RPTOR: variants seen among roughly 807,000 people sequenced by gnomAD.
RPTOR encodes regulatory associated protein of MTOR complex 1.
A neutral mutation model predicts 169.9 loss-of-function variants in RPTOR; 21 were observed. The observed-to-expected ratio is 0.12, with a 90% confidence interval of 0.09 to 0.18. RPTOR has a LOEUF of 0.18. Among genes scored for constraint, RPTOR ranks in the 10% least tolerant of loss-of-function variants. RPTOR has a pLI of 1.00. For missense variants in RPTOR, 1,133 were observed against 1,855.9 expected, an observed-to-expected ratio of 0.61 and a Z score of 7.16; for synonymous variants, 732 against 753.2, an observed-to-expected ratio of 0.97 and a Z score of 0.46.
intron 1 of RPTOR, among the ~76,000 whole-genome samples, chr17:80,598,566 C>T (rs1397263077): frequency 6.6e-6 from 1 of 152,218 alleles, no homozygotes; most frequent in Non-Finnish European, 1.5e-5. Flanking sequence ...TTCGCATTTG[C>T]AGATGCCCAA....
At chr17:80,643,921 GTGTGGCATGGCGCCT>G (rs2065572511) in intron 3 of RPTOR, 111 bp downstream of exon 3, 1 of 816,336 alleles carries the variant, frequency 1.2e-6, no homozygotes, top group African/African-American at 1.7e-5. Flanking sequence ...CCCTGCCCTT[GTGTGGCATGGCGCCT>G]GCGCACTGCG....
At chr17:80,767,253 C>T (rs2066797111) in intron 6 of RPTOR, among the ~76,000 whole-genome samples, 2 of 152,118 alleles carry the variant, frequency 1.3e-5, no homozygotes. Context: ...CGCTTGTAGT[C>T]CCAGCTACTT....
In RPTOR at chr17:80,721,656, C is replaced by T. The variant is rs181312635; in HGVS notation, c.508-8904C>T. Among the ~76,000 whole-genome samples the T allele has an allele frequency of 1.4e-4, 21 of 151,384 alleles. 1 individual carries two copies. Among genetic ancestry groups the T allele is most frequent in the African/African-American group, 3.9e-4 (16 of 40,726 alleles). On this transcript the variant is annotated intron_variant, in intron 4 of 33. Transcript: ENST00000306801. This position sits in a 1 kb window ranked among gnomAD's most constrained non-coding sequence, Gnocchi z 4.7. Reference sequence around the variant, plus strand: ...ATGCTGGAAGCTTCCTCAGGGTACTCGGGCTTATTTTGGTAGTCATACACA... The same window carrying T: ...ATGCTGGAAGCTTCCTCAGGGTACTTGGGCTTATTTTGGTAGTCATACACA...
At chr17:80,706,962 C>T (rs1449507607) in intron 3 of RPTOR, among the ~76,000 whole-genome samples, 1 of 152,198 alleles carries the variant, frequency 6.6e-6, no homozygotes. Context: ...CCTATGCATT[C>T]AGTCTGCTCT....
intron 6 of RPTOR, among the ~76,000 whole-genome samples, chr17:80,760,565 G>A (rs1040773781): frequency 6.6e-6 from 1 of 152,120 alleles, no homozygotes; most frequent in Non-Finnish European, 1.5e-5. Flanking sequence ...GCCTTCCAAA[G>A]TGCTGAGATT....
At chr17:80,669,691 C>T (rs1159250383) in intron 3 of RPTOR, among the ~76,000 whole-genome samples, 1 of 152,226 alleles carries the variant, frequency 6.6e-6, no homozygotes, top group Non-Finnish European at 1.5e-5. Flanking sequence ...CCCAGTAGTT[C>T]ACTCTTAAAA....
intron 1 of RPTOR, among the ~76,000 whole-genome samples, chr17:80,560,579 G>T (rs888921164): frequency 9.2e-5 from 14 of 152,150 alleles, no homozygotes; most frequent in Non-Finnish European, 1.6e-4. Flanking sequence ...ATGGAAGGGA[G>T]TGGGGTGGAA....
rs917573658 is a variant in RPTOR, at chr17:80,651,261, C to T, written c.348+7451C>T. Among the ~76,000 whole-genome samples, 6 of 152,168 alleles carry T rather than the reference C, an allele frequency of 3.9e-5. No individual in the cohort carries two copies. The highest frequency in any genetic ancestry group is 1.3e-4 in the Admixed American group (2 of 15,304). ...AATGGAAAGCTAAATTTGGAGGTGA[C>T]GATGAGGAACCCACCGTATGCTCGC... On this transcript the variant is annotated intron_variant, in intron 3 of 33. Coordinates refer to ENST00000306801, the MANE Select transcript of RPTOR (RefSeq NM_020761.3). This position sits in a 1 kb window ranked among gnomAD's most constrained non-coding sequence, Gnocchi z 4.1.
intron 1 of RPTOR, among the ~76,000 whole-genome samples, chr17:80,582,026 C>T (rs1020522927): frequency 2.6e-5 from 4 of 152,172 alleles, no homozygotes; most frequent in African/African-American, 9.7e-5. Flanking sequence ...CTGCCCTGGG[C>T]ACTAGAGAGG....
chr17:80,896,141 T>G (rs1010630651), intron 20 of RPTOR, among the ~76,000 whole-genome samples: 16 of 152,152 alleles, frequency 1.1e-4, no homozygotes, highest in Admixed American at 5.9e-4. Context: ...TTTTTTGTGT[T>G]CATGTCTTAA....
chr17:80,784,839 C>T (rs1197128793), intron 6 of RPTOR, among the ~76,000 whole-genome samples: 4 of 152,024 alleles, frequency 2.6e-5, no homozygotes, highest in African/African-American at 9.7e-5. Flanking sequence ...GCTGGGATTA[C>T]AGGTGTCCGC....
At chr17:80,686,197 T>C (rs1195031577) in intron 3 of RPTOR, among the ~76,000 whole-genome samples, 2 of 151,144 alleles carry the variant, frequency 1.3e-5, no homozygotes, top group Non-Finnish European at 2.9e-5. Flanking sequence ...CTTTTTTTTT[T>C]TTTTTTTGAG....
intron 6 of RPTOR, among the ~76,000 whole-genome samples, chr17:80,771,242 C>T (rs772607093): frequency 2.0e-5 from 3 of 152,188 alleles, no homozygotes; most frequent in South Asian, 2.1e-4. Flanking sequence ...CTCCTCTTGA[C>T]GTACTTCTGC....
In RPTOR at chr17:80,846,502, C is replaced by T; in HGVS notation, c.1242C>T (p.Thr414=). 6.8e-6 allele frequency: 11 copies of T among 1,614,192 alleles called. No homozygotes were observed. The highest frequency in any genetic ancestry group is 1.1e-5 in the South Asian group (1 of 91,086). Reference sequence around the variant, plus strand: ...GCCCGTTCTTCGCCGAGCAGCTGACCGCATTCCAGGTGTGGCTCACCATGG... The same window carrying T: ...GCCCGTTCTTCGCCGAGCAGCTGACTGCATTCCAGGTGTGGCTCACCATGG... ...RHSPFFAEQL[T]AFQVWLTMGV... is the part of the protein sequence containing the mutation. Residue 414 remains threonine (T), a synonymous_variant, in exon 11 of 34, where the codon ACC becomes ACT. Coordinates refer to ENST00000306801, the MANE Select transcript of RPTOR (RefSeq NM_020761.3).
At chr17:80,579,355 G>A (rs1344675364) in intron 1 of RPTOR, among the ~76,000 whole-genome samples, 1 of 152,116 alleles carries the variant, frequency 6.6e-6, no homozygotes, top group Non-Finnish European at 1.5e-5. Flanking sequence ...CACCACTCTG[G>A]CTAATTTTGT....
In RPTOR at chr17:80,949,515, A is replaced by G. The variant is rs2069146508; in HGVS notation, c.3338A>G (p.Gln1113Arg). The G allele has an allele frequency of 6.2e-7, 1 of 1,614,086 alleles. No individual in the cohort carries two copies. Among genetic ancestry groups the G allele is most frequent in the South Asian group, 1.1e-5 (1 of 91,088 alleles). ...EKNPEMVTAW[Q>R]GLSDMLPTTR... Reference sequence around the variant, plus strand: ...AACCCAGAGATGGTGACCGCGTGGCAGGGGCTCTCGGACATGCTGCCAACG... The same window carrying G: ...AACCCAGAGATGGTGACCGCGTGGCGGGGGCTCTCGGACATGCTGCCAACG... The change falls in exon 28 of 34, where the codon CAG becomes CGG. Residue 1113 changes from glutamine (Q) to arginine (R), a missense_variant. Coordinates refer to ENST00000306801, the MANE Select transcript of RPTOR (RefSeq NM_020761.3).
intron 7 of RPTOR, among the ~76,000 whole-genome samples, chr17:80,797,577 C>G (rs2067113563): frequency 6.6e-6 from 1 of 152,184 alleles, no homozygotes; most frequent in African/African-American, 2.4e-5. Flanking sequence ...GCCACCACGC[C>G]CAGCCAAAGA....
At chr17:80,853,541 C>A in intron 11 of RPTOR, among the ~76,000 whole-genome samples, 1 of 152,172 alleles carries the variant, frequency 6.6e-6, no homozygotes, top group South Asian at 2.1e-4. Flanking sequence ...CTCCTAGCAC[C>A]CAGCGCAGCA....
At chr17:80,961,643 A>G in intron 31 of RPTOR, 163 bp downstream of exon 31, 1 of 763,072 alleles carries the variant, frequency 1.3e-6, no homozygotes. Flanking sequence ...CGCAGCCCGT[A>G]GGGGCCCAGG....
Sources: gnomAD v4.1 joint callset for allele counts (sites outside exome capture counted in the v4.1 genomes callset) on GRCh38, gnomAD v4.1.1 for gene constraint, Gnocchi (gnomAD v3.1) non-coding constraint, MANE v1.5 for transcripts, NCBI Gene and HGNC (gene_info 2026-07-23, HGNC 2026-07-21) for gene names.